MRPS9: variants seen among roughly 807,000 people sequenced by gnomAD.
MRPS9 encodes small ribosomal subunit protein uS9m.
Under a neutral mutation model 59.9 loss-of-function variants are expected in MRPS9, and 45 were observed. The ratio of observed to expected loss-of-function variants is 0.75; its 90% CI spans 0.59 to 0.96. The LOEUF (loss-of-function observed/expected upper bound fraction) is 0.96. MRPS9 is among the 40% of genes least tolerant of loss of function. MRPS9 has a pLI of 0.00. For missense variants in MRPS9, 473 were observed against 481.1 expected, an observed-to-expected ratio of 0.98 and a Z score of 0.16; for synonymous variants, 171 against 166.8, an observed-to-expected ratio of 1.03 and a Z score of -0.19.
rs113746898 is a variant in MRPS9, at chr2:105,038,242, G to C, written c.135+15G>C. 1.5e-3 allele frequency: 2,440 copies of C among 1,606,058 alleles called. 36 individuals are homozygous for C. In the African/African-American group the frequency reaches 0.028, roughly 19 times the overall value. ...TCAGATCCCAGGTAAGGCCTGGGAAGACTGGAAGCGGCTTACCTCTGCCGC... is the reference window on the plus strand; with the variant it reads ...TCAGATCCCAGGTAAGGCCTGGGAACACTGGAAGCGGCTTACCTCTGCCGC... On this transcript the variant is annotated intron_variant, in intron 1 of 10. Transcript: ENST00000258455.
intron 6 of MRPS9, among the ~76,000 whole-genome samples, chr2:105,089,520 C>T (rs895126055): frequency 6.6e-6 from 1 of 152,186 alleles, no homozygotes; most frequent in African/African-American, 2.4e-5. Context: ...AGGAAGAACA[C>T]CTTGTTTAAG....
At chr2:105,075,474 G>A (rs749875817) in intron 4 of MRPS9, among the ~76,000 whole-genome samples, 3 of 152,222 alleles carry the variant, frequency 2.0e-5, no homozygotes, top group Non-Finnish European at 4.4e-5. Context: ...AGAAGGTTTT[G>A]TCGGGAAGCT....
At chr2:105,072,078 C>T (rs1220589281) in intron 4 of MRPS9, among the ~76,000 whole-genome samples, 1 of 151,902 alleles carries the variant, frequency 6.6e-6, no homozygotes, top group Non-Finnish European at 1.5e-5. Flanking sequence ...ATTTACTATA[C>T]ATTAGAAACC....
At chr2:105,049,737 G>C (rs1679674873) in intron 2 of MRPS9, among the ~76,000 whole-genome samples, 1 of 152,082 alleles carries the variant, frequency 6.6e-6, no homozygotes. Flanking sequence ...ATATATCTGA[G>C]GTTTCAAAAT....
chr2:105,043,847 C>T (rs1253235831), intron 1 of MRPS9, among the ~76,000 whole-genome samples: 1 of 151,572 alleles, frequency 6.6e-6, no homozygotes, highest in Non-Finnish European at 1.5e-5. Flanking sequence ...GTTGGCCAGG[C>T]TGGTCTCAAA....
Position 105,078,315 on chromosome 2 carries a change from A to AGTGTGTGTGTGTGTGTGT in MRPS9, c.410-1659_410-1642dup, listed in dbSNP as rs71250682. 3.4e-3 allele frequency among the ~76,000 whole-genome samples: 503 copies of AGTGTGTGTGTGTGTGTGT among 147,450 alleles called. 3 individuals are homozygous for AGTGTGTGTGTGTGTGTGT. Among genetic ancestry groups the AGTGTGTGTGTGTGTGTGT allele is most frequent in the African/African-American group, 0.012 (463 of 39,806 alleles). Reference sequence around the variant, plus strand: ...TGATACCTTAGGTTCGGTGAAGTCAAGTGTGTGTGTGTGTGTGTGTGTGTG... The same window carrying AGTGTGTGTGTGTGTGTGT: ...TGATACCTTAGGTTCGGTGAAGTCAAGTGTGTGTGTGTGTGTGTGTGTGTGTGTGTGTGTGTGTGTGTG... On this transcript the variant is annotated intron_variant, in intron 4 of 10. Transcript: ENST00000258455.
In MRPS9 at chr2:105,071,360, C is replaced by G; in HGVS notation, c.363C>G (p.Ala121=). 4.3e-6 allele frequency: 7 copies of G among 1,609,768 alleles called. No homozygotes were observed. The highest frequency in any genetic ancestry group is 5.9e-6 in the Non-Finnish European group (7 of 1,178,672). Residue 121 remains alanine (A), a synonymous_variant, in exon 3 of 11, where the codon GCC becomes GCG. Coordinates refer to ENST00000258455, the MANE Select transcript of MRPS9 (RefSeq NM_182640.3). ...LFPSGLFEKR[A]RPVMKHPEQI... Reference sequence around the variant, plus strand: ...CAAGTGGTTTGTTTGAGAAACGAGCCAGGCCAGTAATGAAGGTAGTTATCT... The same window carrying G: ...CAAGTGGTTTGTTTGAGAAACGAGCGAGGCCAGTAATGAAGGTAGTTATCT...
intron 9 of MRPS9, among the ~76,000 whole-genome samples, chr2:105,096,226 G>A (rs1680656075): frequency 1.3e-5 from 2 of 152,016 alleles, no homozygotes; most frequent in African/African-American, 2.4e-5. Context: ...GCACTTGAAT[G>A]TCCTGTCCAT....
intron 9 of MRPS9, among the ~76,000 whole-genome samples, chr2:105,096,121 A>G (rs555740324): frequency 1.3e-5 from 2 of 152,166 alleles, no homozygotes; most frequent in Admixed American, 6.5e-5. Context: ...TCATCCCTAC[A>G]TCGTATTGTT....
intron 2 of MRPS9, among the ~76,000 whole-genome samples, chr2:105,061,552 G>A (rs761824083): frequency 3.9e-5 from 6 of 152,160 alleles, no homozygotes; most frequent in Admixed American, 6.5e-5. Flanking sequence ...GATGCATTTT[G>A]ATGTTTTTCT....
rs138753234 is a variant in MRPS9, at chr2:105,091,600, G to A, written c.652-801G>A. On this transcript the variant is annotated intron_variant, in intron 7 of 10. Coordinates refer to ENST00000258455, the MANE Select transcript of MRPS9 (RefSeq NM_182640.3). Reference sequence around the variant, plus strand: ...CAATAAAGGCAGTAGTGACAAAGATGAGTGTGATGTTTAACGCCGACAAAA... The same window carrying A: ...CAATAAAGGCAGTAGTGACAAAGATAAGTGTGATGTTTAACGCCGACAAAA... Among the ~76,000 whole-genome samples the A allele has an allele frequency of 3.3e-3, 498 of 152,240 alleles. 4 individuals are homozygous for A. Among genetic ancestry groups the A allele is most frequent in the African/African-American group, 0.011 (462 of 41,524 alleles).
At chr2:105,081,338 G>A (rs1680337487) in intron 5 of MRPS9, among the ~76,000 whole-genome samples, 1 of 152,254 alleles carries the variant, frequency 6.6e-6, no homozygotes, top group Admixed American at 6.5e-5. Flanking sequence ...TGCACGCAGC[G>A]AAGCTGTGGA....
chr2:105,043,484 T>C (rs953264232), intron 1 of MRPS9, among the ~76,000 whole-genome samples: 10 of 152,182 alleles, frequency 6.6e-5, no homozygotes, highest in African/African-American at 2.2e-4. Flanking sequence ...ATCCTGAGCA[T>C]AGAGGCAGGA....
intron 6 of MRPS9, 63 bp downstream of exon 6, chr2:105,089,132 G>T (rs1294628012): frequency 1.5e-6 from 2 of 1,316,368 alleles, no homozygotes; most frequent in Non-Finnish European, 2.1e-6. Context: ...CCACTCATTG[G>T]TATTTTTTTA....
intron 5 of MRPS9, among the ~76,000 whole-genome samples, chr2:105,084,656 G>T (rs12619439): frequency 2.0e-5 from 3 of 152,012 alleles, no homozygotes; most frequent in Admixed American, 6.6e-5. Flanking sequence ...GTGAGGTGTC[G>T]TGAAATAACT....
intron 2 of MRPS9, among the ~76,000 whole-genome samples, chr2:105,062,742 A>G (rs749766743): frequency 6.6e-6 from 1 of 152,264 alleles, no homozygotes; most frequent in Non-Finnish European, 1.5e-5. Flanking sequence ...AAATAAAATG[A>G]AAATTTACTT....
chr2:105,086,701 A>G lies in MRPS9; in HGVS notation c.490-2283A>G, dbSNP rs146021573. ...AGACTTGCACTCTCTGAACCTCAGG[A>G]CTCTGGACGCGGCAGCTGAGAGCTG... On this transcript the variant is annotated intron_variant, in intron 5 of 10. Coordinates refer to ENST00000258455, the MANE Select transcript of MRPS9 (RefSeq NM_182640.3). Among the ~76,000 whole-genome samples the G allele has an allele frequency of 9.3e-4, 142 of 152,270 alleles. 1 individual carries two copies. The highest frequency in any genetic ancestry group is 2.4e-4 in the Non-Finnish European group (16 of 68,026).
At chr2:105,043,993 C>T (rs1163763785) in intron 1 of MRPS9, among the ~76,000 whole-genome samples, 3 of 122,284 alleles carry the variant, frequency 2.5e-5, no homozygotes, top group African/African-American at 9.5e-5. Flanking sequence ...TGGAGTGCAG[C>T]GGTGTGATTT....
intron 2 of MRPS9, among the ~76,000 whole-genome samples, chr2:105,057,570 T>C (rs1679818041): frequency 6.6e-6 from 1 of 152,208 alleles, no homozygotes; most frequent in Non-Finnish European, 1.5e-5. Context: ...ACCCCAAGAC[T>C]AAAGAACAGC....
Sources: allele counts gnomAD v4.1 joint callset (sites outside exome capture counted in the v4.1 genomes callset), GRCh38; gene constraint gnomAD v4.1.1; transcripts MANE v1.5; gene names NCBI Gene and HGNC (gene_info 2026-07-23, HGNC 2026-07-21).